The following PRDM16 variants were observed in gnomAD, a reference collection of about 807,000 sequenced individuals.
The protein encoded by PRDM16 is histone-lysine N-methyltransferase PRDM16.
Under a neutral mutation model 110.6 loss-of-function variants are expected in PRDM16, and 23 were observed. The ratio of observed to expected loss-of-function variants is 0.21; its 90% CI spans 0.15 to 0.29. The LOEUF (loss-of-function observed/expected upper bound fraction) is 0.29. Ranked by LOEUF, PRDM16 falls within the 10% of genes least tolerant of loss-of-function variation. The pLI is 1.00. For missense variants in PRDM16, 1,615 were observed against 1,794.3 expected, an observed-to-expected ratio of 0.90 and a Z score of 1.81; for synonymous variants, 799 against 781.8, an observed-to-expected ratio of 1.02 and a Z score of -0.37.
chr1:3,204,456 G>T (rs913679937), intron 2 of PRDM16, among the ~76,000 whole-genome samples: 9 of 152,228 alleles, frequency 5.9e-5, no homozygotes, highest in Admixed American at 3.9e-4. Context: ...GAACCTTACC[G>T]TCCCAGAGAC....
intron 1 of PRDM16, among the ~76,000 whole-genome samples, chr1:3,102,876 C>G (rs566221570): frequency 2.0e-5 from 3 of 152,214 alleles, no homozygotes; most frequent in Non-Finnish European, 4.4e-5. Context: ...GGAGGTGGCC[C>G]TGCTGCTCTG....
chr1:3,341,956 G>C (rs1391853558), intron 3 of PRDM16, among the ~76,000 whole-genome samples: 2 of 152,224 alleles, frequency 1.3e-5, no homozygotes, highest in African/African-American at 4.8e-5. Flanking sequence ...TGAGCTTCTT[G>C]GGAGGTAACC....
chr1:3,316,479 G>A (rs1464786930), intron 3 of PRDM16, among the ~76,000 whole-genome samples: 1 of 152,238 alleles, frequency 6.6e-6, no homozygotes, highest in Non-Finnish European at 1.5e-5. Context: ...TTCAGGACAG[G>A]GAGGACCTGG....
At chr1:3,326,854 T>A (rs569154110) in intron 3 of PRDM16, among the ~76,000 whole-genome samples, 2 of 152,318 alleles carry the variant, frequency 1.3e-5, no homozygotes, top group East Asian at 3.9e-4. Flanking sequence ...GGTGGGCTCC[T>A]GCCCCCACTG....
intron 3 of PRDM16, among the ~76,000 whole-genome samples, chr1:3,356,937 T>C (rs528674671): frequency 6.6e-6 from 1 of 152,258 alleles, no homozygotes; most frequent in East Asian, 1.9e-4. Context: ...CCGGGTGGCT[T>C]TGCTTTCCAT....
intron 1 of PRDM16, among the ~76,000 whole-genome samples, chr1:3,116,269 C>T (rs1034368352): frequency 6.6e-6 from 1 of 152,282 alleles, no homozygotes; most frequent in Middle Eastern, 3.4e-3. Flanking sequence ...CATGGGGGGA[C>T]AGTAGGCAGA....
At chr1:3,146,464 G>T (rs1022670056) in intron 1 of PRDM16, among the ~76,000 whole-genome samples, 1 of 151,774 alleles carries the variant, frequency 6.6e-6, no homozygotes, top group Non-Finnish European at 1.5e-5. Flanking sequence ...TCAGTGTGGG[G>T]TGTGCGCACA....
chr1:3,278,118 A>G (rs550179205), intron 3 of PRDM16, among the ~76,000 whole-genome samples: 1 of 152,178 alleles, frequency 6.6e-6, no homozygotes, highest in South Asian at 2.1e-4. Flanking sequence ...TCTCATGGCC[A>G]TTTCCCCAAC....
rs188132529 is a variant in PRDM16, at chr1:3,418,034, C to T, written c.2861+37C>T. ...TTTGGTGCTGCTGGGACAGCCCTGG[C>T]GGGGCTCGAGTGCCACACCTGTGGC... is the stretch of plus-strand genomic sequence containing the variant. On this transcript the variant is annotated intron_variant, in intron 11 of 16. Coordinates refer to ENST00000270722, the MANE Select transcript of PRDM16 (RefSeq NM_022114.4). The T allele has an allele frequency of 0.01, 15,727 of 1,568,478 alleles. 150 individuals are homozygous for T. Among genetic ancestry groups the T allele is most frequent in the Non-Finnish European group, 0.01 (11,632 of 1,153,466 alleles).
At chr1:3,251,733 TA>T (rs1639938205) in intron 3 of PRDM16, among the ~76,000 whole-genome samples, 1 of 152,188 alleles carries the variant, frequency 6.6e-6, no homozygotes, top group South Asian at 2.1e-4. Context: ...CAGCAGGATT[TA>T]TTGGCTACAT....
intron 3 of PRDM16, among the ~76,000 whole-genome samples, chr1:3,322,890 A>G (rs1309476671): frequency 6.6e-6 from 1 of 151,836 alleles, no homozygotes; most frequent in African/African-American, 2.4e-5. Flanking sequence ...TTACCTTTCT[A>G]CCTTCTGGAT....
Position 3,206,672 on chromosome 1 carries a change from G to A in PRDM16, c.387+20198G>A, listed in dbSNP as rs1638760359. ...AGGGTGAGCTGGGTCTGAGGCTTTG[G>A]GACCCGTGCCTGGACCAGTAGCTTC... On this transcript the variant is annotated intron_variant, in intron 2 of 16. Transcript: ENST00000270722. The surrounding 1 kb of genome is among the most constrained non-coding windows in gnomAD (Gnocchi z 4.9). The A allele has an allele frequency of 6.6e-6, 1 of 152,292 alleles. No homozygotes were observed. Among genetic ancestry groups the A allele is most frequent in the Non-Finnish European group, 1.5e-5 (1 of 68,148 alleles). 9.4% of individuals were successfully genotyped at this position (152,292 alleles called of 1,614,324 possible). A position where few individuals can be genotyped will look rare whatever the true frequency, so the allele number is the denominator to read the frequency against.
intron 1 of PRDM16, among the ~76,000 whole-genome samples, chr1:3,141,992 G>A (rs898038979): frequency 3.3e-5 from 5 of 152,252 alleles, no homozygotes; most frequent in East Asian, 1.9e-4. Context: ...TTCCGAAAAC[G>A]TGGGGCCGCA....
intron 11 of PRDM16, 118 bp from the exon 12 acceptor site, chr1:3,418,549 G>A: frequency 4.2e-6 from 3 of 706,814 alleles, no homozygotes; most frequent in Non-Finnish European, 7.6e-6. Context: ...ATGCTGGGAT[G>A]GGTCCACCTG....
chr1:3,324,071 C>T (rs59973297), intron 3 of PRDM16, among the ~76,000 whole-genome samples: 3,855 of 152,258 alleles, frequency 0.025, 159 homozygotes, highest in African/African-American at 0.087. Context: ...AGCAGCAGGG[C>T]CAGCCCCTCC....
rs145666598 is a variant in PRDM16, at chr1:3,193,178, T to C, written c.387+6704T>C. Among the ~76,000 whole-genome samples, 807 of 152,184 alleles carry C rather than the reference T, an allele frequency of 5.3e-3. 6 individuals are homozygous for C. Among genetic ancestry groups the C allele is most frequent in the African/African-American group, 0.018 (763 of 41,536 alleles). ...CGGCTTACCAGGGGGCAGCTTTGGGTGTGTTGCAGGCATTGGGAGAGTCAC... is the reference window on the plus strand; with the variant it reads ...CGGCTTACCAGGGGGCAGCTTTGGGCGTGTTGCAGGCATTGGGAGAGTCAC... On this transcript the variant is annotated intron_variant, in intron 2 of 16. Coordinates refer to ENST00000270722, the MANE Select transcript of PRDM16 (RefSeq NM_022114.4).
intron 2 of PRDM16, among the ~76,000 whole-genome samples, chr1:3,202,806 G>A (rs867088361): frequency 2.6e-5 from 4 of 152,174 alleles, no homozygotes; most frequent in South Asian, 2.1e-4. Flanking sequence ...GCAAGCCATC[G>A]TGGCCTCTGG....
At chr1:3,074,561 C>T (rs1641848787) in intron 1 of PRDM16, among the ~76,000 whole-genome samples, 1 of 150,874 alleles carries the variant, frequency 6.6e-6, no homozygotes, top group Non-Finnish European at 1.5e-5. Flanking sequence ...CACCTGCAGG[C>T]TGGACTCCCG....
intron 3 of PRDM16, among the ~76,000 whole-genome samples, chr1:3,379,081 C>A (rs1305649341): frequency 1.4e-5 from 2 of 146,144 alleles, no homozygotes; most frequent in African/African-American, 5.1e-5. Flanking sequence ...CCCCAACACA[C>A]CCCCTCCCGG....
Sources: gnomAD v4.1 joint callset for allele counts (sites outside exome capture counted in the v4.1 genomes callset) on GRCh38, gnomAD v4.1.1 for gene constraint, Gnocchi (gnomAD v3.1) non-coding constraint, MANE v1.5 for transcripts, NCBI Gene and HGNC (gene_info 2026-07-23, HGNC 2026-07-21) for gene names.